ZRANB2: variants seen among roughly 807,000 people sequenced by gnomAD.
The protein encoded by ZRANB2 is zinc finger RANBP2-type containing 2.
A neutral mutation model predicts 53.4 loss-of-function variants in ZRANB2; 19 were observed. That is an observed-to-expected ratio of 0.36 (90% CI 0.25 to 0.52). ZRANB2 has a LOEUF of 0.52. Among genes scored for constraint, ZRANB2 ranks in the 20% least tolerant of loss-of-function variants. The pLI, the probability that ZRANB2 is intolerant of heterozygous loss-of-function variation, is 0.93. For missense variants in ZRANB2, 309 were observed against 401.1 expected (o/e 0.77, Z 1.96); for synonymous variants, 145 against 134.8 (o/e 1.08, Z -0.52).
chr1:71,073,846 C>T (rs1272383383), intron 4 of ZRANB2, among the ~76,000 whole-genome samples: 1 of 151,470 alleles, frequency 6.6e-6, no homozygotes, highest in East Asian at 1.9e-4. Flanking sequence ...GTTCTATGAA[C>T]CCATACAATA....
At position 71,064,635 on chromosome 1, in the gene ZRANB2, T is replaced by C. The variant is rs888524615; in HGVS notation, c.*439A>G. The C allele has an allele frequency of 1.3e-5, 2 of 153,056 alleles. No individual in the cohort carries two copies. Among genetic ancestry groups the C allele is most frequent in the Admixed American group, 6.5e-5 (1 of 15,278 alleles). 9.5% of individuals were successfully genotyped at this position (153,056 alleles called of 1,614,324 possible). A position where few individuals can be genotyped will look rare whatever the true frequency, so the allele number is the denominator to read the frequency against. ...TTTTTTGGTGAGAATCACTCTGACA[T>C]CTGTTAACAGCATAAAAAGGCTGAC... On this transcript the variant is annotated 3_prime_UTR_variant, in exon 10 of 10. Coordinates refer to ENST00000370920, the MANE Select transcript of ZRANB2 (RefSeq NM_203350.3).
At chr1:71,067,789 C>T (rs1011754828) in intron 8 of ZRANB2, 23 of 369,724 alleles carry the variant, frequency 6.2e-5, no homozygotes, top group African/African-American at 4.9e-4. Context: ...AAAGGGAATA[C>T]CAGAACTTAA....
At chr1:71,070,619 G>A (rs538741487) in intron 7 of ZRANB2, among the ~76,000 whole-genome samples, 1 of 152,108 alleles carries the variant, frequency 6.6e-6, no homozygotes, top group Non-Finnish European at 1.5e-5. Context: ...ATAGGTTAAG[G>A]AAGTTTCATG....
In ZRANB2 at chr1:71,076,651, A is replaced by T. The variant is rs780939277; in HGVS notation, c.301+144T>A. 36 of 653,454 alleles carry T rather than the reference A, an allele frequency of 5.5e-5. No homozygotes were observed. In the Middle Eastern group the frequency reaches 1.3e-3, roughly 23 times the overall value. 40.5% of individuals were successfully genotyped at this position (653,454 alleles called of 1,614,324 possible). A position where few individuals can be genotyped will look rare whatever the true frequency, so the allele number is the denominator to read the frequency against. On this transcript the variant is annotated intron_variant, in intron 4 of 9. Transcript: ENST00000370920. ...AAGATTTGTATGTGTGTATGGGGGG[A>T]AAAAAATCCCAGTAACAAACATTCA...
intron 7 of ZRANB2, among the ~76,000 whole-genome samples, chr1:71,070,581 C>T (rs1332093891): frequency 2.0e-5 from 3 of 151,960 alleles, no homozygotes; most frequent in South Asian, 2.1e-4. Flanking sequence ...GTTTTTAAGT[C>T]TATTTTAGTC....
Position 71,069,293 on chromosome 1 carries a change from A to AG in ZRANB2, c.752dup (p.Arg252SerfsTer31). On this transcript the variant is annotated frameshift_variant, in exon 8 of 10. Coordinates refer to ENST00000370920, the MANE Select transcript of ZRANB2 (RefSeq NM_203350.3). LOFTEE classifies it high-confidence loss of function. Reference sequence around the variant, plus strand: ...TCATTCACCTTGATTTCGACCCACGAGATCTCGAACGTTCTCTGGAACTGG... The same window carrying AG: ...TCATTCACCTTGATTTCGACCCACGAGGATCTCGAACGTTCTCTGGAACTGG... 6.2e-7 allele frequency: 1 copy of AG among 1,612,174 alleles called. No individual in the cohort carries two copies. The highest frequency in any genetic ancestry group is 8.5e-7 in the Non-Finnish European group (1 of 1,178,892).
chr1:71,080,930 T>C lies in ZRANB2; in HGVS notation c.56+10A>G. 1.2e-6 allele frequency: 2 copies of C among 1,614,064 alleles called. No individual in the cohort carries two copies. The highest frequency in any genetic ancestry group is 1.7e-5 in the Admixed American group (1 of 60,024). On this transcript the variant is annotated intron_variant, in intron 1 of 9. Coordinates refer to ENST00000370920, the MANE Select transcript of ZRANB2 (RefSeq NM_203350.3). Reference sequence around the variant, plus strand: ...ACTCCGTCCCAATTCAGGACCCTTCTTGAACTCACTTTTTGTCAGGGCAAA... The same window carrying C: ...ACTCCGTCCCAATTCAGGACCCTTCCTGAACTCACTTTTTGTCAGGGCAAA...
intron 4 of ZRANB2, among the ~76,000 whole-genome samples, chr1:71,073,025 T>C (rs1341714262): frequency 6.6e-6 from 1 of 152,076 alleles, no homozygotes; most frequent in South Asian, 2.1e-4. Flanking sequence ...AATTCCTAAT[T>C]ACACAGACAA....
chr1:71,080,263 C>G (rs994982995), intron 1 of ZRANB2, among the ~76,000 whole-genome samples: 5 of 152,154 alleles, frequency 3.3e-5, no homozygotes, highest in African/African-American at 1.2e-4. Flanking sequence ...GCAACAATGT[C>G]AAAAAGCAGA....
chr1:71,068,797 A>AT lies in ZRANB2; in HGVS notation c.770+478dup, dbSNP rs778528498. On this transcript the variant is annotated intron_variant, in intron 8 of 9. Coordinates refer to ENST00000370920, the MANE Select transcript of ZRANB2 (RefSeq NM_203350.3). ...TGTAATTTTATTTGAACTACTATTA[A>AT]TTTTTTTTTTTTTTGAGACACTCCT... is the stretch of plus-strand genomic sequence containing the variant. Among the ~76,000 whole-genome samples, 895 of 143,710 alleles carry AT rather than the reference A, an allele frequency of 6.2e-3. 6 individuals carry two copies. The highest frequency in any genetic ancestry group is 0.016 in the African/African-American group (643 of 39,472). 94.3% of individuals were successfully genotyped at this position (143,710 alleles called of 152,430 possible).
intron 4 of ZRANB2, among the ~76,000 whole-genome samples, chr1:71,073,969 G>A (rs1243635727): frequency 6.6e-6 from 1 of 152,086 alleles, no homozygotes; most frequent in Non-Finnish European, 1.5e-5. Flanking sequence ...TCAATGGAAT[G>A]ATATGTATGT....
rs751924051 is a variant in ZRANB2, at chr1:71,069,383, T to C, written c.684-21A>G. ...GGGACCTGGAACAACATGGAACGAT[T>C]TTTTTTTTCCAGGACCATTTAATTG... On this transcript the variant is annotated intron_variant, in intron 7 of 9. Transcript: ENST00000370920. 5.0e-6 allele frequency: 8 copies of C among 1,605,204 alleles called. No individual in the cohort carries two copies. The Admixed American group carries it at 1.2e-4, about 24-fold the overall frequency.
At chr1:71,073,506 TATC>T (rs1163455547) in intron 4 of ZRANB2, among the ~76,000 whole-genome samples, 4 of 151,850 alleles carry the variant, frequency 2.6e-5, no homozygotes, top group Middle Eastern at 3.2e-3. Flanking sequence ...AAAATTTGCC[TATC>T]ATATTTAAAA....
At chr1:71,066,753 C>A (rs1345050596) in intron 9 of ZRANB2, 23 bp downstream of exon 9, 7 of 1,606,702 alleles carry the variant, frequency 4.4e-6, no homozygotes, top group Non-Finnish European at 5.9e-6. Flanking sequence ...AACACCCATT[C>A]TTATTTCTAC....
At position 71,068,101 on chromosome 1, in the gene ZRANB2, G is replaced by A. The variant is rs578017109; in HGVS notation, c.771-1167C>T. 2.2e-4 allele frequency among the ~76,000 whole-genome samples: 34 copies of A among 152,232 alleles called. No individual in the cohort carries two copies. In the South Asian group the frequency reaches 6.0e-3, roughly 27 times the overall value. ...GCTGGTCTTGAACTCCTGGGCTCAAGCAGCCCGCCCACCTTGGCCTCCCAA... is the reference window on the plus strand; with the variant it reads ...GCTGGTCTTGAACTCCTGGGCTCAAACAGCCCGCCCACCTTGGCCTCCCAA... On this transcript the variant is annotated intron_variant, in intron 8 of 9. Transcript: ENST00000370920.
At position 71,072,385 on chromosome 1, in the gene ZRANB2, TAA is replaced by T. The variant is rs541112752; in HGVS notation, c.378+85_378+86del. 299 of 1,465,824 alleles carry T rather than the reference TAA, an allele frequency of 2.0e-4. 2 individuals are homozygous for T. The South Asian group carries it at 2.8e-3, about 14-fold the overall frequency. The allele number at this position is 1,465,824 out of a possible 1,614,324, so 90.8% of individuals were successfully genotyped here. ...AGTTGCTGAAGACTCAAATTGCACT[TAA>T]AAAAAAGTTTGTTTTCCTTTGCATT... is the stretch of plus-strand genomic sequence containing the variant. On this transcript the variant is annotated intron_variant, in intron 5 of 9. Transcript: ENST00000370920.
chr1:71,071,140 T>C, intron 6 of ZRANB2, 144 bp from the exon 7 acceptor site: 1 of 671,840 alleles, frequency 1.5e-6, no homozygotes, highest in Non-Finnish European at 2.2e-6. Flanking sequence ...AAAATTCACC[T>C]ACTAAACTCA....
chr1:71,072,935 A>C (rs1284398375), intron 4 of ZRANB2, among the ~76,000 whole-genome samples: 1 of 152,040 alleles, frequency 6.6e-6, no homozygotes, highest in Non-Finnish European at 1.5e-5. Context: ...ACTGTTTACC[A>C]ACTGCAAATA....
intron 4 of ZRANB2, among the ~76,000 whole-genome samples, chr1:71,072,776 G>T (rs575543344): frequency 6.6e-6 from 1 of 152,112 alleles, no homozygotes; most frequent in Non-Finnish European, 1.5e-5. Context: ...ATTCCAAATT[G>T]CCCTACATGA....
Sources: allele counts gnomAD v4.1 joint callset (sites outside exome capture counted in the v4.1 genomes callset), GRCh38; gene constraint gnomAD v4.1.1; transcripts MANE v1.5; gene names NCBI Gene and HGNC (gene_info 2026-07-23, HGNC 2026-07-21).